Variants in ETV4 observed in about 807,000 individuals in gnomAD.
ETV4 encodes the protein ETS translocation variant 4.
ETV4 carries 42 observed loss-of-function variants against 65.9 expected under a neutral mutation model. That is an observed-to-expected ratio of 0.64 (90% CI 0.50 to 0.82). ETV4 has a LOEUF of 0.82. ETV4 is among the 40% of genes least tolerant of loss of function. The pLI, the probability that ETV4 is intolerant of heterozygous loss-of-function variation, is 0.00. For missense variants in ETV4, 583 were observed against 630.3 expected (o/e 0.92, Z 0.80); for synonymous variants, 238 against 260.0 (o/e 0.92, Z 0.81).
chr17:43,531,648 C>G (rs1317521373), intron 8 of ETV4, among the ~76,000 whole-genome samples: 1 of 152,124 alleles, frequency 6.6e-6, no homozygotes, highest in Non-Finnish European at 1.5e-5. Context: ...CCAGCCTGGG[C>G]GAGAGAGCAA....
At position 43,532,930 on chromosome 17, in the gene ETV4, G is replaced by A. The variant is rs1971026482; in HGVS notation, c.555C>T (p.Phe185=). 1.3e-6 allele frequency: 2 copies of A among 1,570,896 alleles called. No individual in the cohort carries two copies. Among genetic ancestry groups the A allele is most frequent in the African/African-American group, 2.7e-5 (2 of 73,508 alleles). Residue 185 remains phenylalanine, a synonymous_variant, in exon 8 of 13, where the codon TTC becomes TTT. Coordinates refer to ENST00000319349, the MANE Select transcript of ETV4 (RefSeq NM_001079675.5). The part of the protein sequence containing the change: ...HGYLGEHSSV[F]QQPLDICHSF... The stretch of plus-strand genomic sequence containing the variant: ...AGTGGCAAATGTCCAGGGGCTGCTG[G>A]AAGACGGAGCTGGATGTGGTTGGAT...
chr17:43,544,739 C>G (rs1374585179), intron 4 of ETV4: 11 of 479,226 alleles, frequency 2.3e-5, no homozygotes, highest in Non-Finnish European at 4.2e-5. Context: ...CTGATTCATC[C>G]TCAAGCCTAG....
In ETV4 at chr17:43,528,635, G is replaced by T. The variant is rs760879823; in HGVS notation, c.1339C>A (p.Pro447Thr). 58 of 1,614,072 alleles carry T rather than the reference G, an allele frequency of 3.6e-5. 2 individuals are homozygous for T. In the South Asian group the frequency reaches 5.9e-4, roughly 16 times the overall value. Reference sequence around the variant, plus strand: ...GGGACTGTGTCCTCCTCACTGACAGGCCGGTCAAACTCAGCCTTGAGAGCT... The same window carrying T: ...GGGACTGTGTCCTCCTCACTGACAGTCCGGTCAAACTCAGCCTTGAGAGCT... Reference protein sequence around the residue: ...RPALKAEFDRPVSEEDTVPLS... With the variant: ...RPALKAEFDRTVSEEDTVPLS... Residue 447 changes from proline (P) to threonine (T), a missense_variant, in exon 13 of 13, where the codon CCT (proline) becomes ACT (threonine). Physicochemically the swap from Pro to Thr is conservative, Grantham distance 38 (BLOSUM62 -1). Coordinates refer to ENST00000319349, the MANE Select transcript of ETV4 (RefSeq NM_001079675.5).
chr17:43,533,040 G>A (rs1478457880), intron 7 of ETV4, 101 bp from the exon 8 acceptor site: 23 of 1,499,238 alleles, frequency 1.5e-5, no homozygotes, highest in Non-Finnish European at 1.9e-5. Flanking sequence ...CGGAATGGGG[G>A]GTAGGGGGTT....
In ETV4 at chr17:43,532,903, G is replaced by T; in HGVS notation, c.582C>A (p.Ser194=). The change falls in exon 8 of 13, where the codon TCC becomes TCA. Residue 194 remains serine (S), a synonymous_variant. Coordinates refer to ENST00000319349, the MANE Select transcript of ETV4 (RefSeq NM_001079675.5). Reference sequence around the variant, plus strand: ...CCCGGCCCCCTCCCTGAGATGTGAAGGAGTGGCAAATGTCCAGGGGCTGCT... The same window carrying T: ...CCCGGCCCCCTCCCTGAGATGTGAATGAGTGGCAAATGTCCAGGGGCTGCT... ...VFQQPLDICH[S]FTSQGGGREP... The T allele has an allele frequency of 6.3e-7, 1 of 1,594,504 alleles. No individual in the cohort carries two copies. Among genetic ancestry groups the T allele is most frequent in the Non-Finnish European group, 8.6e-7 (1 of 1,168,984 alleles).
chr17:43,541,435 G>A (rs1006561484), intron 4 of ETV4, among the ~76,000 whole-genome samples: 6 of 152,154 alleles, frequency 3.9e-5, no homozygotes, highest in Admixed American at 2.6e-4. Flanking sequence ...TCTGTCTGGG[G>A]ACGAGGCAGA....
chr17:43,538,164 C>T (rs1019030724), intron 4 of ETV4, among the ~76,000 whole-genome samples: 12 of 144,714 alleles, frequency 8.3e-5, no homozygotes, highest in African/African-American at 3.1e-4. Flanking sequence ...AAAAAATTAG[C>T]TGGACGTGGT....
At chr17:43,534,804 G>C (rs1971148988) in intron 5 of ETV4, among the ~76,000 whole-genome samples, 1 of 152,084 alleles carries the variant, frequency 6.6e-6, no homozygotes, top group Non-Finnish European at 1.5e-5. Flanking sequence ...AGCCGGGCGT[G>C]GTGGCACATC....
In ETV4 at chr17:43,527,978, T is replaced by C; in HGVS notation, c.*541A>G. ...GGAGCAGGAACCCATCCCTCTCTGCTTATACCCAGCACCCCTCATCCCAGG... is the reference window on the plus strand; with the variant it reads ...GGAGCAGGAACCCATCCCTCTCTGCCTATACCCAGCACCCCTCATCCCAGG... On this transcript the variant is annotated 3_prime_UTR_variant, in exon 13 of 13. Coordinates refer to ENST00000319349, the MANE Select transcript of ETV4 (RefSeq NM_001079675.5). The C allele has an allele frequency of 4.3e-6, 1 of 233,910 alleles. No individual in the cohort carries two copies. Among genetic ancestry groups the C allele is most frequent in the Non-Finnish European group, 8.5e-6 (1 of 118,276 alleles). 14.5% of individuals were successfully genotyped at this position (233,910 alleles called of 1,614,324 possible).
intron 5 of ETV4, among the ~76,000 whole-genome samples, chr17:43,535,110 G>A (rs1179526180): frequency 2.0e-5 from 3 of 152,218 alleles, no homozygotes; most frequent in African/African-American, 7.2e-5. Context: ...AGGCTGAGCA[G>A]CAAAGAGTTG....
chr17:43,533,690 C>A (rs1971084100), intron 6 of ETV4, among the ~76,000 whole-genome samples, 169 bp downstream of exon 6: 1 of 152,098 alleles, frequency 6.6e-6, no homozygotes, highest in Non-Finnish European at 1.5e-5. Flanking sequence ...GCTGCGTTTT[C>A]CGTCTATTCA....
chr17:43,531,900 A>G (rs2154587081), intron 8 of ETV4, among the ~76,000 whole-genome samples: 1 of 152,320 alleles, frequency 6.6e-6, no homozygotes, highest in Non-Finnish European at 1.5e-5. Flanking sequence ...TGTTCCTGTC[A>G]CAGTAGTTTG....
At chr17:43,532,963 G>T in intron 7 of ETV4, 24 bp from the exon 8 acceptor site, 1 of 1,537,872 alleles carries the variant, frequency 6.5e-7, no homozygotes, top group Non-Finnish European at 8.7e-7. Context: ...GATGGAGAAG[G>T]AAGAGAAGAG....
intron 10 of ETV4, 59 bp from the exon 11 acceptor site, chr17:43,529,735 G>A (rs376090324): frequency 1.8e-5 from 28 of 1,588,474 alleles, no homozygotes; most frequent in African/African-American, 1.8e-4. Context: ...CCAAGCAACC[G>A]CCTCCCACCC....
At chr17:43,543,440 G>A (rs1971633001) in intron 4 of ETV4, among the ~76,000 whole-genome samples, 2 of 152,090 alleles carry the variant, frequency 1.3e-5, no homozygotes, top group Admixed American at 1.3e-4. Flanking sequence ...AGGCACAGAT[G>A]GACCAGCTGC....
At chr17:43,538,852 G>C (rs887543261) in intron 4 of ETV4, among the ~76,000 whole-genome samples, 3 of 152,138 alleles carry the variant, frequency 2.0e-5, no homozygotes, top group African/African-American at 7.2e-5. Context: ...ACTGCTCTCA[G>C]ATTGGACAAT....
intron 4 of ETV4, among the ~76,000 whole-genome samples, chr17:43,541,063 C>T (rs1356846353): frequency 6.6e-6 from 1 of 152,116 alleles, no homozygotes; most frequent in African/African-American, 2.4e-5. Context: ...CCAGGGACCC[C>T]TCCAGGCCCG....
At position 43,543,080 on chromosome 17, in the gene ETV4, G is replaced by A. The variant is rs578185063; in HGVS notation, c.202+1895C>T. 1.5e-4 allele frequency among the ~76,000 whole-genome samples: 23 copies of A among 152,028 alleles called. No homozygotes were observed. The East Asian group carries it at 4.1e-3, about 27-fold the overall frequency. On this transcript the variant is annotated intron_variant, in intron 4 of 12. Coordinates refer to ENST00000319349, the MANE Select transcript of ETV4 (RefSeq NM_001079675.5). The stretch of plus-strand genomic sequence containing the variant: ...GCAGAGAAAGTGAGAAGGAGCGATC[G>A]GCCTCAGCATCCCCCCCTCAGACCT...
At chr17:43,536,633 C>A in intron 4 of ETV4, 154 bp from the exon 5 acceptor site, 1 of 629,300 alleles carries the variant, frequency 1.6e-6, no homozygotes, top group Admixed American at 2.8e-5. Context: ...TCTTGGGCCA[C>A]ACATAAAATA....
Sources: gnomAD v4.1 joint callset for allele counts (sites outside exome capture counted in the v4.1 genomes callset) on GRCh38, gnomAD v4.1.1 for gene constraint, MANE v1.5 for transcripts, NCBI Gene and HGNC (gene_info 2026-07-23, HGNC 2026-07-21) for gene names.